The following DMXL1 variants were observed in gnomAD, a reference collection of about 807,000 sequenced individuals.
DMXL1 encodes Dmx like 1.
DMXL1 carries 99 observed loss-of-function variants against 319.2 expected under a neutral mutation model. The ratio of observed to expected loss-of-function variants is 0.31; its 90% CI spans 0.26 to 0.37. The LOEUF (loss-of-function observed/expected upper bound fraction) is 0.37. Among genes scored for constraint, DMXL1 ranks in the 10% least tolerant of loss-of-function variants. The probability of loss-of-function intolerance (pLI) is 1.00; values close to 1 mark genes in which losing one functional copy is unlikely to be tolerated. For synonymous variants in DMXL1, 1,385 were observed against 1,235.2 expected, an observed-to-expected ratio of 1.12 and a Z score of -2.54; for missense variants, 3,745 against 3,595.6, an observed-to-expected ratio of 1.04 and a Z score of -1.06.
At chr5:119,187,938 A>G (rs960747878) in intron 28 of DMXL1, among the ~76,000 whole-genome samples, 7 of 152,184 alleles carry the variant, frequency 4.6e-5, no homozygotes, top group African/African-American at 1.7e-4. Context: ...TTATAGGCGT[A>G]AGCCACCGCA....
At chr5:119,101,066 C>T (rs966906087) in intron 2 of DMXL1, among the ~76,000 whole-genome samples, 1 of 152,200 alleles carries the variant, frequency 6.6e-6, no homozygotes, top group Non-Finnish European at 1.5e-5. Context: ...CAGGCGTGAG[C>T]CACCGCGGCC....
At chr5:119,103,936 G>C (rs1296053568) in intron 3 of DMXL1, among the ~76,000 whole-genome samples, 1 of 152,070 alleles carries the variant, frequency 6.6e-6, no homozygotes, top group Non-Finnish European at 1.5e-5. Context: ...AAAAGAGGCT[G>C]GTTTATTGGC....
At chr5:119,147,072 C>A in intron 16 of DMXL1, 116 bp downstream of exon 16, 2 of 1,232,256 alleles carry the variant, frequency 1.6e-6, no homozygotes, top group Non-Finnish European at 2.3e-6. Flanking sequence ...ATGGTGATAA[C>A]TGTAGATTAT....
At position 119,170,653 on chromosome 5, in the gene DMXL1, A is replaced by G. The variant is rs749950897; in HGVS notation, c.5862A>G (p.Gln1954=). The G allele has an allele frequency of 6.2e-6, 10 of 1,613,676 alleles. No individual in the cohort carries two copies. The highest frequency in any genetic ancestry group is 2.2e-5 in the East Asian group (1 of 44,856). The change falls in exon 24 of 44, where the codon CAA becomes CAG. Residue 1954 remains glutamine, a synonymous_variant. Transcript: ENST00000539542. ...SNSTLSFDWS[Q]PSVVFQDDSL... ...CCACTCTTTCTTTTGACTGGAGCCA[A>G]CCAAGTGTTGTGTTTCAGGATGACT...
intron 19 of DMXL1, among the ~76,000 whole-genome samples, chr5:119,158,042 C>G (rs1771482524): frequency 1.3e-5 from 2 of 151,840 alleles, no homozygotes; most frequent in African/African-American, 2.4e-5. Flanking sequence ...TTTTAGAGCT[C>G]TTTTATCTCC....
At chr5:119,091,232 T>C (rs971611440) in intron 1 of DMXL1, among the ~76,000 whole-genome samples, 1 of 151,712 alleles carries the variant, frequency 6.6e-6, no homozygotes, top group Admixed American at 6.6e-5. Context: ...TATTTGACAG[T>C]GTCTTGCTCT....
intron 38 of DMXL1, among the ~76,000 whole-genome samples, chr5:119,225,943 A>G (rs1039046564): frequency 5.3e-5 from 8 of 152,162 alleles, no homozygotes; most frequent in Non-Finnish European, 1.0e-4. Flanking sequence ...CTACATCAGG[A>G]AATACTTGAT....
intron 26 of DMXL1, among the ~76,000 whole-genome samples, chr5:119,175,881 C>G (rs1163671368): frequency 6.6e-6 from 1 of 151,874 alleles, no homozygotes; most frequent in Non-Finnish European, 1.5e-5. Flanking sequence ...GTTTGTTACC[C>G]TCTGGGGTCT....
rs373077176 is a variant in DMXL1, at chr5:119,150,375, T to A, written c.4548T>A (p.Ile1516=). ...QMSLMALADT[I]ATTSTDIGES... The stretch of plus-strand genomic sequence containing the variant: ...CTTTGATGGCCTTAGCAGATACAAT[T>A]GCAACTACAAGCACTGATATTGGAG... Residue 1516 remains isoleucine, a synonymous_variant, in exon 18 of 44, where the codon ATT becomes ATA. Transcript: ENST00000539542. 2 of 1,613,522 alleles carry A rather than the reference T, an allele frequency of 1.2e-6. No homozygotes were observed. Among genetic ancestry groups the A allele is most frequent in the Non-Finnish European group, 1.7e-6 (2 of 1,179,746 alleles).
At chr5:119,201,635 G>T (rs751665204) in intron 32 of DMXL1, among the ~76,000 whole-genome samples, 1 of 152,148 alleles carries the variant, frequency 6.6e-6, no homozygotes, top group Non-Finnish European at 1.5e-5. Context: ...TATAGTTTTA[G>T]TATGAATGGT....
At chr5:119,240,695 T>G (rs1416074136) in intron 42 of DMXL1, among the ~76,000 whole-genome samples, 2 of 152,206 alleles carry the variant, frequency 1.3e-5, no homozygotes, top group Admixed American at 6.5e-5. Context: ...TAAAAATCAT[T>G]TGTCTTTACT....
chr5:119,210,085 C>A (rs1215740327), intron 34 of DMXL1, among the ~76,000 whole-genome samples: 1 of 152,096 alleles, frequency 6.6e-6, no homozygotes, highest in African/African-American at 2.4e-5. Flanking sequence ...TCTCATACCT[C>A]AGGTGTGCAC....
intron 41 of DMXL1, among the ~76,000 whole-genome samples, chr5:119,239,678 G>A (rs190309616): frequency 7.0e-4 from 107 of 152,140 alleles, no homozygotes; most frequent in African/African-American, 2.4e-3. Flanking sequence ...ATTGTGGGTC[G>A]GGCACAGTGG....
At position 119,151,978 on chromosome 5, in the gene DMXL1, A is replaced by G. The variant is rs1423500941; in HGVS notation, c.4644A>G (p.Arg1548=). Residue 1548 remains arginine (R), a synonymous_variant, in exon 19 of 44, where the codon CGA becomes CGG. Transcript: ENST00000539542. ...GGTTAAAATTTCTTTTGGCTGTTCG[A>G]CTCCATACCTTTCTTACAACTTCCC... ...ECGLKFLLAV[R]LHTFLTTSLP... is the part of the protein sequence containing the mutation. 1.2e-6 allele frequency: 2 copies of G among 1,612,854 alleles called. No homozygotes were observed. Among genetic ancestry groups the G allele is most frequent in the Non-Finnish European group, 1.7e-6 (2 of 1,179,492 alleles).
In DMXL1 at chr5:119,134,120, T is replaced by A. The variant is rs1765497913; in HGVS notation, c.2196T>A (p.His732Gln). Residue 732 changes from histidine to glutamine, a missense_variant, in exon 12 of 44, where the codon CAT (histidine) becomes CAA (glutamine). By Grantham distance (24) the His-to-Gln change is conservative. This residue lies in a region of DMXL1 where 2,096 missense variants were observed against 1,985.4 expected (regional missense o/e 1.06). Coordinates refer to ENST00000539542, the MANE Select transcript of DMXL1 (RefSeq NM_001290321.3). ...AGCTTGCCCGGATTAATTCTCTTCA[T>A]GTTTCTGCCTTTTCCAATGTGGCAT... Reference protein sequence around the residue: ...VSELARINSLHVSAFSNVAWL... With the variant: ...VSELARINSLQVSAFSNVAWL... 1 of 1,613,982 alleles carries A rather than the reference T, an allele frequency of 6.2e-7. No individual in the cohort carries two copies. Among genetic ancestry groups the A allele is most frequent in the African/African-American group, 1.3e-5 (1 of 74,944 alleles).
At chr5:119,119,041 A>C in intron 8 of DMXL1, 37 bp downstream of exon 8, 1 of 1,480,724 alleles carries the variant, frequency 6.8e-7, no homozygotes, top group Non-Finnish European at 9.2e-7. Flanking sequence ...TACAAGTTTT[A>C]AAACCTTTGG....
intron 20 of DMXL1, 27 bp downstream of exon 20, chr5:119,164,703 T>C: frequency 6.5e-7 from 1 of 1,543,506 alleles, no homozygotes; most frequent in South Asian, 1.3e-5. Flanking sequence ...GGTGTATAAG[T>C]GAATTAATAT....
chr5:119,212,731 T>G (rs1783018016), intron 34 of DMXL1, among the ~76,000 whole-genome samples: 1 of 152,206 alleles, frequency 6.6e-6, no homozygotes, highest in Non-Finnish European at 1.5e-5. Flanking sequence ...TAGGAGATCT[T>G]TTAAGACCAT....
At chr5:119,190,542 A>G (rs187489187) in intron 29 of DMXL1, among the ~76,000 whole-genome samples, 4 of 152,220 alleles carry the variant, frequency 2.6e-5, no homozygotes, top group Admixed American at 1.3e-4. Flanking sequence ...TGATAAATCC[A>G]TATGATAGTG....
Sources: gnomAD v4.1 joint callset for allele counts (sites outside exome capture counted in the v4.1 genomes callset) on GRCh38, gnomAD v4.1.1 for gene constraint, gnomAD v4.1.1 regional missense constraint, MANE v1.5 for transcripts, NCBI Gene and HGNC (gene_info 2026-07-23, HGNC 2026-07-21) for gene names.